Variants in AHCY observed in about 807,000 individuals in gnomAD.
AHCY encodes S-adenosyl-L-homocysteine hydrolase.
Under a neutral mutation model 45.4 loss-of-function variants are expected in AHCY, and 24 were observed. That is an observed-to-expected ratio of 0.53 (90% CI 0.38 to 0.74). The LOEUF (loss-of-function observed/expected upper bound fraction) is 0.74. Ranked by LOEUF, AHCY falls within the 30% of genes least tolerant of loss-of-function variation. AHCY has a pLI of 0.00. For synonymous variants in AHCY, 245 were observed against 235.1 expected (o/e 1.04, Z -0.39); for missense variants, 449 against 594.1 (o/e 0.76, Z 2.54).
the AHCY span, among the ~76,000 whole-genome samples, chr20:34,260,902 T>C: frequency 6.6e-6 from 1 of 152,166 alleles, no homozygotes; most frequent in South Asian, 2.1e-4. Context: ...AGTCCTGTCA[T>C]GTCAGGGTTG....
intron 8 of AHCY, chr20:34,285,912 AAC>A (rs2036167643): frequency 4.7e-6 from 2 of 428,158 alleles, no homozygotes; most frequent in Non-Finnish European, 8.7e-6. Flanking sequence ...TATCTTGGCC[AAC>A]ACAGTGAAAG....
chr20:34,297,156 T>C (rs2122793681), intron 1 of AHCY, among the ~76,000 whole-genome samples: 1 of 152,154 alleles, frequency 6.6e-6, no homozygotes, highest in South Asian at 2.1e-4. Flanking sequence ...TAGTGTCCCT[T>C]CTACCCCCTT....
the AHCY span, among the ~76,000 whole-genome samples, chr20:34,268,663 G>A: frequency 1.3e-5 from 2 of 151,932 alleles, no homozygotes; most frequent in South Asian, 2.1e-4. Flanking sequence ...CTGAGCCCGA[G>A]ATCGAGATTG....
intron 1 of AHCY, among the ~76,000 whole-genome samples, chr20:34,310,923 C>G (rs2036941001): frequency 6.6e-6 from 1 of 151,856 alleles, no homozygotes; most frequent in Non-Finnish European, 1.5e-5. Context: ...GTCAGGAGTT[C>G]GAGATCGGCC....
the AHCY span, among the ~76,000 whole-genome samples, chr20:34,272,884 A>G: frequency 2.0e-5 from 3 of 152,182 alleles, no homozygotes; most frequent in Non-Finnish European, 4.4e-5. Context: ...AAAAACCAAA[A>G]AGAATTCAGG....
chr20:34,285,655 A>G (rs1208168474), intron 8 of AHCY, 21 bp from the exon 9 acceptor site: 1 of 1,611,068 alleles, frequency 6.2e-7, no homozygotes, highest in African/African-American at 1.3e-5. Flanking sequence ...GCAGGGCAAC[A>G]GTGAAGGCAG....
chr20:34,301,123 A>G (rs2036756453), intron 1 of AHCY, among the ~76,000 whole-genome samples: 1 of 152,142 alleles, frequency 6.6e-6, no homozygotes, highest in Admixed American at 6.5e-5. Flanking sequence ...AATGACCCAG[A>G]GAGGACCCAG....
intron 9 of AHCY, 40 bp from the exon 10 acceptor site, chr20:34,281,205 T>C (rs757566944): frequency 1.2e-5 from 19 of 1,610,990 alleles, no homozygotes; most frequent in Non-Finnish European, 1.6e-5. Context: ...CAGTGCCATT[T>C]TCTGGGACCC....
the AHCY span, among the ~76,000 whole-genome samples, chr20:34,251,642 T>C: frequency 1.3e-5 from 2 of 152,146 alleles, no homozygotes; most frequent in African/African-American, 4.8e-5. Context: ...AAATGAGGAA[T>C]TTGCTATGTT....
chr20:34,263,699 G>A, the AHCY span, among the ~76,000 whole-genome samples: 40 of 141,218 alleles, frequency 2.8e-4, no homozygotes, highest in African/African-American at 9.0e-4. Flanking sequence ...TGGAGTTTTC[G>A]CTCTCGTTGC....
intron 9 of AHCY, among the ~76,000 whole-genome samples, chr20:34,284,168 C>CT (rs532239785): frequency 0.016 from 2,427 of 149,424 alleles, 21 homozygotes; most frequent in Non-Finnish European, 0.025. Flanking sequence ...AGGGATGTAT[C>CT]TTTTTTTTTT....
chr20:34,251,476 G>A, the AHCY span, among the ~76,000 whole-genome samples: 5 of 151,828 alleles, frequency 3.3e-5, no homozygotes, highest in Non-Finnish European at 7.4e-5. Context: ...GGGTTTTACC[G>A]TGTTAGCCAG....
At chr20:34,300,090 C>T (rs549663047) in intron 1 of AHCY, among the ~76,000 whole-genome samples, 101 of 152,284 alleles carry the variant, frequency 6.6e-4, no homozygotes, top group African/African-American at 2.3e-3. Flanking sequence ...GAGGCTGAGG[C>T]AGGAGAATTG....
chr20:34,302,127 A>C (rs2036796263), intron 1 of AHCY: 6 of 379,602 alleles, frequency 1.6e-5, no homozygotes, highest in Non-Finnish European at 1.8e-5. Flanking sequence ...CAGCCTCCCG[A>C]GTAGCTGGGA....
chr20:34,289,506 A>G (rs1205355), intron 8 of AHCY, among the ~76,000 whole-genome samples: 101,866 of 128,958 alleles, frequency 0.79, 41,486 homozygotes, highest in Non-Finnish European at 0.89. Flanking sequence ...ATGGAGTCTC[A>G]CTCTTATTAA....
the AHCY span, among the ~76,000 whole-genome samples, chr20:34,267,082 G>A: frequency 1.3e-5 from 2 of 152,064 alleles, no homozygotes; most frequent in Non-Finnish European, 2.9e-5. Context: ...ATTATTGACA[G>A]ATAAAAATAT....
chr20:34,246,737 C>T, the AHCY span, among the ~76,000 whole-genome samples: 3 of 152,278 alleles, frequency 2.0e-5, no homozygotes, highest in South Asian at 2.1e-4. Context: ...GGATTACAGG[C>T]GTGAGCCCCT....
chr20:34,267,368 G>A, the AHCY span, among the ~76,000 whole-genome samples: 1 of 143,960 alleles, frequency 6.9e-6, no homozygotes, highest in Non-Finnish European at 1.5e-5. Context: ...GAGCAGCAGC[G>A]TCCAATAGAA....
At chr20:34,256,525 AT>A in the AHCY span, among the ~76,000 whole-genome samples, 4 of 152,080 alleles carry the variant, frequency 2.6e-5, no homozygotes, top group Non-Finnish European at 5.9e-5. Context: ...CTGGTCTCAA[AT>A]TCCTAAGATC....
Sources: gnomAD v4.1 joint callset for allele counts (sites outside exome capture counted in the v4.1 genomes callset) on GRCh38, gnomAD v4.1.1 for gene constraint, MANE v1.5 for transcripts, NCBI Gene and HGNC (gene_info 2026-07-23, HGNC 2026-07-21) for gene names.